Variants in PNPLA1 observed in about 807,000 individuals in gnomAD.
PNPLA1 encodes the protein patatin like domain 1, omega-hydroxyceramide transacylase, also known as omega-hydroxyceramide transacylase.
In PNPLA1, 36 loss-of-function variants were observed where a neutral mutation model predicts 51.7. That is an observed-to-expected ratio of 0.70 (90% CI 0.53 to 0.92). The LOEUF is 0.92. Among genes scored for constraint, PNPLA1 ranks in the 40% least tolerant of loss-of-function variants. The pLI, the probability that PNPLA1 is intolerant of heterozygous loss-of-function variation, is 0.00. For missense variants in PNPLA1, 658 were observed against 682.5 expected, an observed-to-expected ratio of 0.96 and a Z score of 0.40; for synonymous variants, 293 against 280.1, an observed-to-expected ratio of 1.05 and a Z score of -0.46.
Position 36,261,461 on chromosome 6 carries a change from G to T in PNPLA1, c.-81+18200G>T, listed in dbSNP as rs548584558. Among the ~76,000 whole-genome samples, 4 of 152,332 alleles carry T rather than the reference G, an allele frequency of 2.6e-5. No individual in the cohort carries two copies. In the East Asian group the frequency reaches 5.8e-4, roughly 22 times the overall value. On this transcript the variant is annotated intron_variant, in intron 1 of 7. Transcript: ENST00000312917. The stretch of plus-strand genomic sequence containing the variant: ...CTCCCACATGAGGAAAAGGGAGGAG[G>T]AAAGTGTTGATGGGTTTACCTACGT...
intron 1 of PNPLA1, among the ~76,000 whole-genome samples, chr6:36,247,158 C>T (rs1300967648): frequency 1.3e-5 from 2 of 152,212 alleles, no homozygotes; most frequent in Non-Finnish European, 2.9e-5. Context: ...CTTGAGCCCT[C>T]CAGAGAAGCC....
intron 1 of PNPLA1, among the ~76,000 whole-genome samples, chr6:36,261,105 A>G (rs1449487457): frequency 1.3e-5 from 2 of 152,244 alleles, no homozygotes; most frequent in Non-Finnish European, 2.9e-5. Flanking sequence ...CTGGGATTTC[A>G]GGCATGAGCC....
intron 6 of PNPLA1, among the ~76,000 whole-genome samples, chr6:36,305,740 T>C (rs1771209253): frequency 6.6e-6 from 1 of 151,726 alleles, no homozygotes. Context: ...CTATTTCTTT[T>C]CTTTTCCTTA....
At chr6:36,265,680 A>T (rs527832764), upstream of PNPLA1, among the ~76,000 whole-genome samples, 95 of 152,342 alleles carry the variant, frequency 6.2e-4, 2 homozygotes, top group African/African-American at 1.8e-3. Flanking sequence ...GGGAACAGTG[A>T]CTAAAAACAA....
At position 36,297,865 on chromosome 6, in the gene PNPLA1, T is replaced by TAC. The variant is rs112771131; in HGVS notation, c.775+2464_775+2465dup. On this transcript the variant is annotated intron_variant, in intron 5 of 8. Transcript: ENST00000636260. The stretch of plus-strand genomic sequence containing the variant: ...TTTGGTAAGTGACTCTGTCTCTCTG[T>TAC]ACACACACACACACACACACACACC... Among the ~76,000 whole-genome samples, 345 of 133,824 alleles carry TAC rather than the reference T, an allele frequency of 2.6e-3. 3 individuals are homozygous for TAC. The highest frequency in any genetic ancestry group is 0.014 in the Middle Eastern group (4 of 278). 87.8% of individuals were successfully genotyped at this position (133,824 alleles called of 152,430 possible).
chr6:36,295,513 C>T, intron 5 of PNPLA1, 89 bp downstream of exon 5: 2 of 1,402,980 alleles, frequency 1.4e-6, no homozygotes, highest in Non-Finnish European at 1.0e-6. Flanking sequence ...GGGTATTCCC[C>T]CCAGATTTGT....
Position 36,307,853 on chromosome 6 carries a change from G to A in PNPLA1, c.1595+141G>A, listed in dbSNP as rs561437309. 96 of 1,108,286 alleles carry A rather than the reference G, an allele frequency of 8.7e-5. 1 individual carries two copies. The South Asian group carries it at 1.8e-3, about 20-fold the overall frequency. The allele number at this position is 1,108,286 out of a possible 1,614,324, so 68.7% of individuals were successfully genotyped here. On this transcript the variant is annotated intron_variant, in intron 8 of 8. Coordinates refer to ENST00000636260, the MANE Select transcript of PNPLA1 (RefSeq NM_001374623.1). ...ATTGGGCTTTGGAACAGACACATCC[G>A]ACATAAAATTCCTGCTCTGCCACAG...
At chr6:36,309,998 G>T (rs370265487) in intron 8 of PNPLA1, among the ~76,000 whole-genome samples, 1 of 152,198 alleles carries the variant, frequency 6.6e-6, no homozygotes, top group Non-Finnish European at 1.5e-5. Flanking sequence ...AAGCTAAAGT[G>T]TAGATGTCCC....
chr6:36,289,814 A>G (rs889769662), intron 1 of PNPLA1, among the ~76,000 whole-genome samples: 2 of 151,914 alleles, frequency 1.3e-5, no homozygotes, highest in African/African-American at 4.8e-5. Flanking sequence ...TTTCTTACTC[A>G]CCTCCAGGAC....
At position 36,302,038 on chromosome 6, in the gene PNPLA1, G is replaced by A. The variant is rs143843185; in HGVS notation, c.953G>A (p.Gly318Glu). ...TQPHKEWVPK[G>E]DGRGSHGPPV... The stretch of plus-strand genomic sequence containing the variant: ...CCTCACAAGGAGTGGGTTCCCAAAG[G>A]GGATGGAAGGGGCAGCCATGGTCCG... The change falls in exon 6 of 9, where the codon GGG (glycine) becomes GAG (glutamate). Residue 318 changes from glycine (G) to glutamate (E), a missense_variant. Gly to Glu is a moderately conservative substitution (Grantham distance 98). Coordinates refer to ENST00000636260, the MANE Select transcript of PNPLA1 (RefSeq NM_001374623.1). 1.0e-4 allele frequency: 167 copies of A among 1,614,202 alleles called. No individual in the cohort carries two copies. Among genetic ancestry groups the A allele is most frequent in the Middle Eastern group, 6.6e-4 (4 of 6,062 alleles).
intron 1 of PNPLA1, among the ~76,000 whole-genome samples, chr6:36,256,597 G>A (rs1482341542): frequency 1.3e-5 from 2 of 152,006 alleles, no homozygotes; most frequent in African/African-American, 4.8e-5. Flanking sequence ...ACAGGCACGT[G>A]CCACCATGCC....
intron 5 of PNPLA1, among the ~76,000 whole-genome samples, chr6:36,296,819 C>G (rs1225064647): frequency 6.6e-6 from 1 of 152,122 alleles, no homozygotes; most frequent in Non-Finnish European, 1.5e-5. Context: ...CTTCCCCTCT[C>G]TAAGGCTTGG....
chr6:36,265,166 C>T (rs190476979), upstream of PNPLA1, among the ~76,000 whole-genome samples: 263 of 152,206 alleles, frequency 1.7e-3, 1 homozygote, highest in Middle Eastern at 6.8e-3. Context: ...CATGGTGAAA[C>T]CCCATCTCTA....
intron 1 of PNPLA1, 46 bp from the exon 2 acceptor site, chr6:36,291,274 C>T: frequency 1.3e-6 from 2 of 1,524,252 alleles, no homozygotes; most frequent in South Asian, 1.2e-5. Context: ...TGGCCCCTGG[C>T]CACTGGGTGG....
chr6:36,255,925 GC>G (rs1379512185), intron 1 of PNPLA1, among the ~76,000 whole-genome samples: 1 of 152,176 alleles, frequency 6.6e-6, no homozygotes, highest in African/African-American at 2.4e-5. Flanking sequence ...GTAGGTCTGG[GC>G]TTGGGCTGAG....
intron 1 of PNPLA1, among the ~76,000 whole-genome samples, chr6:36,244,110 C>T (rs74738659): frequency 1.3e-5 from 2 of 152,146 alleles, no homozygotes; most frequent in Admixed American, 6.5e-5. Context: ...GTTTCTTTCT[C>T]TCCCTTCCTC....
At chr6:36,257,941 T>C (rs1230146583) in intron 1 of PNPLA1, among the ~76,000 whole-genome samples, 1 of 152,244 alleles carries the variant, frequency 6.6e-6, no homozygotes, top group Admixed American at 6.5e-5. Flanking sequence ...GGCCGAACTC[T>C]CAAACTGAAA....
intron 5 of PNPLA1, among the ~76,000 whole-genome samples, chr6:36,300,109 C>T (rs1368046419): frequency 1.3e-5 from 2 of 151,646 alleles, no homozygotes; most frequent in Non-Finnish European, 1.5e-5. Context: ...TTTGTTGTCA[C>T]GTCTCCTCAG....
upstream of PNPLA1, among the ~76,000 whole-genome samples, chr6:36,270,030 A>G (rs1769861480): frequency 6.6e-6 from 1 of 152,244 alleles, no homozygotes. Context: ...TGAATGTTGC[A>G]GCTGAGGGCT....
Sources: allele counts gnomAD v4.1 joint callset (sites outside exome capture counted in the v4.1 genomes callset), GRCh38; gene constraint gnomAD v4.1.1; transcripts MANE v1.5; gene names NCBI Gene and HGNC (gene_info 2026-07-23, HGNC 2026-07-21).